PDE1A: variants seen among roughly 807,000 people sequenced by gnomAD.
PDE1A encodes the protein dual specificity calcium/calmodulin-dependent 3',5'-cyclic nucleotide phosphodiesterase 1A.
PDE1A carries 35 observed loss-of-function variants against 61.7 expected under a neutral mutation model. The observed-to-expected ratio is 0.57, with a 90% confidence interval of 0.43 to 0.75. The LOEUF (loss-of-function observed/expected upper bound fraction) is 0.75, where lower values mean the gene tolerates loss of function less well. Among genes scored for constraint, PDE1A ranks in the 30% least tolerant of loss-of-function variants. The probability of loss-of-function intolerance (pLI) is 0.00; values close to 1 mark genes in which losing one functional copy is unlikely to be tolerated. For missense variants in PDE1A, 597 were observed against 630.6 expected, an observed-to-expected ratio of 0.95 and a Z score of 0.57; for synonymous variants, 232 against 213.2, an observed-to-expected ratio of 1.09 and a Z score of -0.77.
At chr2:182,351,870 T>C (rs1375426902) in intron 1 of PDE1A, among the ~76,000 whole-genome samples, 1 of 152,214 alleles carries the variant, frequency 6.6e-6, no homozygotes, top group Non-Finnish European at 1.5e-5. Context: ...GAGCATTATC[T>C]GGATTAAGAA....
At chr2:182,513,610 C>T (rs58161256) in intron 2 of PDE1A, among the ~76,000 whole-genome samples, 10,046 of 152,224 alleles carry the variant, frequency 0.066, 355 homozygotes, top group Middle Eastern at 0.1. Flanking sequence ...TAACCTTGGA[C>T]GTAAACAGGC....
chr2:182,332,853 T>C (rs4666581), intron 1 of PDE1A, among the ~76,000 whole-genome samples: 55,595 of 151,716 alleles, frequency 0.37, 12,296 homozygotes, highest in Non-Finnish European at 0.48. Flanking sequence ...AAGACACACA[T>C]AGGCTCAAAA....
chr2:182,346,722 G>A (rs905914021), intron 1 of PDE1A, among the ~76,000 whole-genome samples: 5 of 152,040 alleles, frequency 3.3e-5, no homozygotes, highest in African/African-American at 1.2e-4. Context: ...TACAGATGAA[G>A]GTATCTGTGC....
the PDE1A span, among the ~76,000 whole-genome samples, chr2:182,596,598 A>G: frequency 1.3e-5 from 2 of 152,192 alleles, no homozygotes; most frequent in Admixed American, 6.5e-5. Flanking sequence ...CCATTGAAAA[A>G]CAAATAAGGC....
intron 1 of PDE1A, among the ~76,000 whole-genome samples, chr2:182,265,201 A>G (rs995610318): frequency 4.6e-5 from 7 of 151,894 alleles, no homozygotes; most frequent in Admixed American, 2.0e-4. Flanking sequence ...AGAAATCACC[A>G]CTAAAGAACT....
At chr2:182,479,000 C>T (rs1687542097) in intron 2 of PDE1A, among the ~76,000 whole-genome samples, 1 of 151,792 alleles carries the variant, frequency 6.6e-6, no homozygotes, top group South Asian at 2.1e-4. Flanking sequence ...TTTTTATATA[C>T]CATCTTGCTT....
At chr2:182,157,532 C>T (rs1230534476) in intron 13 of PDE1A, among the ~76,000 whole-genome samples, 2 of 152,140 alleles carry the variant, frequency 1.3e-5, no homozygotes, top group Non-Finnish European at 1.5e-5. Flanking sequence ...GCAGAGGGCA[C>T]TTCTTTGTAT....
At chr2:182,176,676 T>G (rs1692825276) in intron 13 of PDE1A, among the ~76,000 whole-genome samples, 1 of 139,372 alleles carries the variant, frequency 7.2e-6, no homozygotes, top group African/African-American at 2.7e-5. Context: ...ATACCCTTTA[T>G]TTCCTTCTCC....
chr2:182,343,241 G>A (rs1290562697), intron 1 of PDE1A, among the ~76,000 whole-genome samples: 1 of 152,140 alleles, frequency 6.6e-6, no homozygotes, highest in Non-Finnish European at 1.5e-5. Context: ...TTTTGTTTGG[G>A]CATTTTGGTG....
chr2:182,597,540 G>A, the PDE1A span, among the ~76,000 whole-genome samples: 1 of 152,086 alleles, frequency 6.6e-6, no homozygotes, highest in African/African-American at 2.4e-5. Context: ...TGAGAGGTGT[G>A]GGGGAAAGGG....
chr2:182,516,836 A>AGGGG (rs61677112), intron 2 of PDE1A, among the ~76,000 whole-genome samples: 2 of 30,502 alleles, frequency 6.6e-5, no homozygotes, highest in Non-Finnish European at 1.4e-4. Flanking sequence ...GAAGGAAGGG[A>AGGGG]GGGAGGGAGG....
At position 182,446,565 on chromosome 2, in the gene PDE1A, C is replaced by T. The variant is rs549407315; in HGVS notation, c.101+75711G>A. 5.9e-5 allele frequency among the ~76,000 whole-genome samples: 9 copies of T among 152,184 alleles called. No individual in the cohort carries two copies. In the East Asian group the frequency reaches 1.7e-3, roughly 30 times the overall value. ...AGAACTGAGGACAGATATCTATTTG[C>T]TTTGAAGCAAAGAGCATGTATTCAG... is the stretch of plus-strand genomic sequence containing the variant. On this transcript the variant is annotated intron_variant, in intron 2 of 14. Coordinates refer to the PDE1A transcript ENST00000410103.
chr2:182,175,313 A>G (rs1168239651), intron 13 of PDE1A, among the ~76,000 whole-genome samples: 2 of 152,144 alleles, frequency 1.3e-5, no homozygotes, highest in Non-Finnish European at 2.9e-5. Context: ...GTGTAAAAGC[A>G]TTCCTATTTC....
chr2:182,602,605 C>A, the PDE1A span, among the ~76,000 whole-genome samples: 2 of 152,206 alleles, frequency 1.3e-5, no homozygotes, highest in Non-Finnish European at 2.9e-5. Context: ...AAACTGTACA[C>A]TGTACTATGA....
At chr2:182,585,381 C>T in the PDE1A span, among the ~76,000 whole-genome samples, 50 of 152,234 alleles carry the variant, frequency 3.3e-4, no homozygotes, top group East Asian at 9.5e-3. Context: ...TCAGAGATTT[C>T]TCCATTAAAA....
chr2:182,331,963 T>A (rs893888461), intron 1 of PDE1A, among the ~76,000 whole-genome samples: 2 of 152,200 alleles, frequency 1.3e-5, no homozygotes, highest in African/African-American at 4.8e-5. Flanking sequence ...GGTTCCATTC[T>A]CTCCCTCACT....
chr2:182,600,825 C>A, the PDE1A span, among the ~76,000 whole-genome samples: 23,571 of 152,114 alleles, frequency 0.15, 2,101 homozygotes, highest in Middle Eastern at 0.24. Flanking sequence ...TTATCCCCTA[C>A]CCAACACTGA....
intron 13 of PDE1A, among the ~76,000 whole-genome samples, 162 bp from the exon 14 acceptor site, chr2:182,147,314 C>T (rs1209347390): frequency 6.6e-6 from 1 of 152,176 alleles, no homozygotes; most frequent in Admixed American, 6.5e-5. Flanking sequence ...TTCCTTTCAG[C>T]CTGTGGATCT....
intron 1 of PDE1A, among the ~76,000 whole-genome samples, chr2:182,281,762 C>T (rs1042647247): frequency 6.6e-6 from 1 of 151,856 alleles, no homozygotes; most frequent in African/African-American, 2.4e-5. Flanking sequence ...GTTTTACAGT[C>T]ACTCTGATTT....
Sources: gnomAD v4.1 joint callset for allele counts (sites outside exome capture counted in the v4.1 genomes callset) on GRCh38, gnomAD v4.1.1 for gene constraint, MANE v1.5 for transcripts, NCBI Gene and HGNC (gene_info 2026-07-23, HGNC 2026-07-21) for gene names.